The following PTPN14 variants were observed in gnomAD, a reference collection of about 807,000 sequenced individuals.
PTPN14 encodes protein tyrosine phosphatase non-receptor type 14.
In PTPN14, 53 loss-of-function variants were observed where a neutral mutation model predicts 126.8. The ratio of observed to expected loss-of-function variants is 0.42; its 90% CI spans 0.34 to 0.53. The LOEUF (loss-of-function observed/expected upper bound fraction) is 0.53. Among genes scored for constraint, PTPN14 ranks in the 20% least tolerant of loss-of-function variants. PTPN14 has a pLI of 0.08. For synonymous variants in PTPN14, 630 were observed against 599.3 expected (o/e 1.05, Z -0.75); for missense variants, 1,257 against 1,552.9 (o/e 0.81, Z 3.20).
At chr1:214,468,563 A>AAAAGG (rs199757366) in intron 1 of PTPN14, among the ~76,000 whole-genome samples, 4,664 of 134,110 alleles carry the variant, frequency 0.035, 103 homozygotes, top group Middle Eastern at 0.071. Context: ...AAAAACAAAA[A>AAAAGG]AAAGAAAAGA....
At chr1:214,458,328 G>A (rs1346914343) in intron 2 of PTPN14, among the ~76,000 whole-genome samples, 1 of 152,092 alleles carries the variant, frequency 6.6e-6, no homozygotes, top group East Asian at 1.9e-4. Context: ...CTATAGTTGT[G>A]AGCTACCAGG....
intron 1 of PTPN14, among the ~76,000 whole-genome samples, chr1:214,489,562 C>G (rs1180293675): frequency 2.6e-5 from 4 of 152,156 alleles, no homozygotes; most frequent in Non-Finnish European, 5.9e-5. Context: ...TAAATTGCCC[C>G]TCTCTAAGGT....
intron 1 of PTPN14, among the ~76,000 whole-genome samples, chr1:214,527,947 C>G (rs2102465494): frequency 6.6e-6 from 1 of 152,314 alleles, no homozygotes; most frequent in East Asian, 1.9e-4. Context: ...AAGCACTTCT[C>G]TCGACAGCTT....
At chr1:214,367,394 T>C (rs981161043) in intron 17 of PTPN14, among the ~76,000 whole-genome samples, 1 of 152,226 alleles carries the variant, frequency 6.6e-6, no homozygotes, top group African/African-American at 2.4e-5. Context: ...CCATCGTCAC[T>C]TTCAAGGAAA....
intron 1 of PTPN14, among the ~76,000 whole-genome samples, chr1:214,473,560 T>A (rs1170422189): frequency 6.6e-6 from 1 of 152,252 alleles, no homozygotes; most frequent in Admixed American, 6.5e-5. Flanking sequence ...CATTCCATAC[T>A]ATTACAACTC....
chr1:214,511,742 C>T (rs1326464491), intron 1 of PTPN14, among the ~76,000 whole-genome samples: 2 of 152,196 alleles, frequency 1.3e-5, no homozygotes, highest in East Asian at 1.9e-4. Flanking sequence ...CAGCATTATT[C>T]ATGGCAGGCA....
intron 13 of PTPN14, among the ~76,000 whole-genome samples, chr1:214,379,314 A>G (rs1339985457): frequency 6.6e-6 from 1 of 152,204 alleles, no homozygotes; most frequent in Non-Finnish European, 1.5e-5. Flanking sequence ...ACTCCCCAGG[A>G]AGAGGTCTTG....
At chr1:214,392,077 T>C (rs893672139) in intron 10 of PTPN14, among the ~76,000 whole-genome samples, 1 of 152,036 alleles carries the variant, frequency 6.6e-6, no homozygotes, top group African/African-American at 2.4e-5. Flanking sequence ...TGTGCATGCA[T>C]GGAGAAGGAT....
intron 16 of PTPN14, 142 bp downstream of exon 16, chr1:214,372,569 T>C (rs1658243339): frequency 8.3e-7 from 1 of 1,202,094 alleles, no homozygotes. Flanking sequence ...AGAAAACAGA[T>C]GTATACCAAA....
At chr1:214,449,331 A>T (rs1395460196) in intron 3 of PTPN14, among the ~76,000 whole-genome samples, 1 of 152,012 alleles carries the variant, frequency 6.6e-6, no homozygotes, top group Non-Finnish European at 1.5e-5. Context: ...AGCTTAAACA[A>T]CCTTTTTCTT....
chr1:214,537,140 C>T (rs1655728269), intron 1 of PTPN14, among the ~76,000 whole-genome samples: 1 of 152,158 alleles, frequency 6.6e-6, no homozygotes, highest in Non-Finnish European at 1.5e-5. Flanking sequence ...GAAGCACATC[C>T]AGTTTGATTT....
At chr1:214,510,358 A>T (rs756050428) in intron 1 of PTPN14, among the ~76,000 whole-genome samples, 1 of 152,248 alleles carries the variant, frequency 6.6e-6, no homozygotes, top group Non-Finnish European at 1.5e-5. Flanking sequence ...ACTTGAAGTA[A>T]GCACGTGCCG....
intron 1 of PTPN14, among the ~76,000 whole-genome samples, chr1:214,510,319 T>C (rs1252711375): frequency 2.0e-5 from 3 of 152,164 alleles, no homozygotes; most frequent in Non-Finnish European, 4.4e-5. Context: ...TCTGACATAT[T>C]GTGAGAAATG....
intron 1 of PTPN14, among the ~76,000 whole-genome samples, chr1:214,541,314 C>T (rs1655829835): frequency 6.6e-6 from 1 of 152,048 alleles, no homozygotes; most frequent in South Asian, 2.1e-4. Context: ...AGGTTTCAAC[C>T]CTGAGAAATG....
At chr1:214,361,767 C>T (rs529631836) in intron 18 of PTPN14, among the ~76,000 whole-genome samples, 1 of 152,282 alleles carries the variant, frequency 6.6e-6, no homozygotes, top group Admixed American at 6.5e-5. Flanking sequence ...ACTCTATGCA[C>T]CTTAAAAAGT....
intron 1 of PTPN14, chr1:214,531,774 G>A (rs1363488750): frequency 6.6e-6 from 1 of 152,224 alleles, no homozygotes; most frequent in Non-Finnish European, 1.5e-5. Context: ...AGAGGATACA[G>A]TCAGTAATAA....
At chr1:214,545,587 C>T (rs1277770192) in intron 1 of PTPN14, among the ~76,000 whole-genome samples, 2 of 151,972 alleles carry the variant, frequency 1.3e-5, no homozygotes, top group Non-Finnish European at 2.9e-5. Context: ...TCTCAAGAGG[C>T]CAGTAAGGAT....
At chr1:214,381,216 T>A (rs1023940912) in intron 13 of PTPN14, among the ~76,000 whole-genome samples, 7 of 152,160 alleles carry the variant, frequency 4.6e-5, no homozygotes, top group Non-Finnish European at 8.8e-5. Context: ...GAGAAGAGGA[T>A]GAATACAACC....
chr1:214,361,475 G>A (rs1414710718), intron 18 of PTPN14, among the ~76,000 whole-genome samples: 1 of 152,202 alleles, frequency 6.6e-6, no homozygotes, highest in Non-Finnish European at 1.5e-5. Flanking sequence ...AAGGGTCCCA[G>A]CTGGCTTAAA....
Sources: allele counts gnomAD v4.1 joint callset (sites outside exome capture counted in the v4.1 genomes callset), GRCh38; gene constraint gnomAD v4.1.1; transcripts MANE v1.5; gene names NCBI Gene and HGNC (gene_info 2026-07-23, HGNC 2026-07-21).